Variants in IPO9 observed in about 807,000 individuals in gnomAD.
The protein encoded by IPO9 is importin-9.
Under a neutral mutation model 128.6 loss-of-function variants are expected in IPO9, and 28 were observed. The observed-to-expected ratio is 0.22, with a 90% CI of 0.16 to 0.30. The LOEUF (loss-of-function observed/expected upper bound fraction) is 0.30, where lower values mean the gene tolerates loss of function less well. Ranked by LOEUF, IPO9 falls within the 10% of genes least tolerant of loss-of-function variation. The probability of loss-of-function intolerance (pLI) is 1.00; values close to 1 mark genes in which losing one functional copy is unlikely to be tolerated. For missense variants in IPO9, 935 were observed against 1,293.9 expected (o/e 0.72, Z 4.26); for synonymous variants, 455 against 475.8 (o/e 0.96, Z 0.57).
chr1:201,857,290 G>GTTGGGTGGCTT, intron 11 of IPO9, 96 bp downstream of exon 11: 1 of 803,510 alleles, frequency 1.2e-6, no homozygotes. Context: ...GAGCAGTGTT[G>GTTGGGTGGCTT]TTGGGTGGCT....
rs1389456326 is a variant in IPO9, at chr1:201,876,311, A to C, written c.*257A>C. Reference sequence around the variant, plus strand: ...TAGAACCTTTTTTCTCCCCGACTCTACCCCCACCTCTGTTCCTAGAGCCCT... The same window carrying C: ...TAGAACCTTTTTTCTCCCCGACTCTCCCCCCACCTCTGTTCCTAGAGCCCT... On this transcript the variant is annotated 3_prime_UTR_variant, in exon 24 of 24. Transcript: ENST00000361565. 2 of 590,882 alleles carry C rather than the reference A, an allele frequency of 3.4e-6. No individual in the cohort carries two copies. The highest frequency in any genetic ancestry group is 6.3e-6 in the Non-Finnish European group (2 of 319,244). 36.6% of individuals were successfully genotyped at this position (590,882 alleles called of 1,614,324 possible). A position where few individuals can be genotyped will look rare whatever the true frequency, so the allele number is the denominator to read the frequency against.
chr1:201,858,433 T>C lies in IPO9; in HGVS notation c.1222-14T>C. On this transcript the variant is annotated splice_polypyrimidine_tract_variant and intron_variant, in intron 11 of 23. Transcript: ENST00000361565. ...TGGGCACAAACAGATTTATTAGCTC[T>C]TCTCTCTCTATAGGCTGTGGCCACA... 3 of 1,458,688 alleles carry C rather than the reference T, an allele frequency of 2.1e-6. No individual in the cohort carries two copies. The highest frequency in any genetic ancestry group is 1.9e-6 in the Non-Finnish European group (2 of 1,073,644). The allele number at this position is 1,458,688 out of a possible 1,614,324, so 90.4% of individuals were successfully genotyped here. A position where few individuals can be genotyped will look rare whatever the true frequency, so the allele number is the denominator to read the frequency against.
Position 201,870,771 on chromosome 1 carries a change from A to G in IPO9, c.2322A>G (p.Ala774=). The G allele has an allele frequency of 6.2e-7, 1 of 1,614,220 alleles. No homozygotes were observed. The highest frequency in any genetic ancestry group is 1.7e-5 in the Admixed American group (1 of 60,018). Residue 774 remains alanine, a synonymous_variant, in exon 18 of 24, where the codon GCA becomes GCG. Transcript: ENST00000361565. The surrounding 1 kb of genome is among the most constrained non-coding windows in gnomAD (Gnocchi z 4.9). ...TTGTTTCCACCCTCATCTCCAAGGC[A>G]GGGCGGGAACTCGGGGAGAATCTAG... is the stretch of plus-strand genomic sequence containing the variant. ...GRLVSTLISK[A]GRELGENLDQ...
At chr1:201,842,265 G>A (rs1419356374) in intron 1 of IPO9, among the ~76,000 whole-genome samples, 10 of 152,134 alleles carry the variant, frequency 6.6e-5, no homozygotes, top group Non-Finnish European at 1.5e-4. Context: ...AAGGATATTC[G>A]AAACGATACA....
chr1:201,831,356 A>G (rs1679829757), intron 1 of IPO9, among the ~76,000 whole-genome samples: 1 of 152,166 alleles, frequency 6.6e-6, no homozygotes, highest in Non-Finnish European at 1.5e-5. Context: ...TGATCTAGTA[A>G]TAGAGCATAT....
At chr1:201,865,205 T>C (rs888278458) in intron 14 of IPO9, among the ~76,000 whole-genome samples, 1 of 150,728 alleles carries the variant, frequency 6.6e-6, no homozygotes, top group Admixed American at 6.6e-5. Flanking sequence ...TTTTCTTTTT[T>C]TTTTTTTTTT....
chr1:201,856,973 C>T (rs1680340315), intron 10 of IPO9, 123 bp from the exon 11 acceptor site: 4 of 716,506 alleles, frequency 5.6e-6, no homozygotes, highest in Admixed American at 3.8e-5. Context: ...AGTTGTGAGC[C>T]ATTGCATCCA....
rs544475552 is a variant in IPO9 at position 201,869,903 on chromosome 1, T to A, written c.2133+185T>A. On this transcript the variant is annotated intron_variant, in intron 17 of 23. Transcript: ENST00000361565. The stretch of plus-strand genomic sequence containing the variant: ...AGCATTTCTGGTGCTTTGGAGCATG[T>A]TACAGTTTTTAAAAATATGGATACC... Among the ~76,000 whole-genome samples, 8 of 152,344 alleles carry A rather than the reference T, an allele frequency of 5.3e-5. 1 individual carries two copies. The East Asian group carries it at 7.7e-4, about 15-fold the overall frequency.
chr1:201,871,344 C>G lies in IPO9; in HGVS notation c.2576+17C>G, dbSNP rs755269388. 5.6e-6 allele frequency: 6 copies of G among 1,065,258 alleles called. No homozygotes were observed. Among genetic ancestry groups the G allele is most frequent in the Admixed American group, 2.6e-5 (1 of 38,766 alleles). The allele number at this position is 1,065,258 out of a possible 1,614,324, so 66.0% of individuals were successfully genotyped here. A position where few individuals can be genotyped will look rare whatever the true frequency, so the allele number is the denominator to read the frequency against. On this transcript the variant is annotated intron_variant, in intron 19 of 23. Coordinates refer to ENST00000361565, the MANE Select transcript of IPO9 (RefSeq NM_018085.5). Reference sequence around the variant, plus strand: ...CAAAGTCAGGTAGAACCTCATCTTTCTTTTCTGGGCATTCTGCCACCACTC... The same window carrying G: ...CAAAGTCAGGTAGAACCTCATCTTTGTTTTCTGGGCATTCTGCCACCACTC...
rs560946502 is a variant in IPO9 at position 201,831,796 on chromosome 1, A to G, written c.163+2424A>G. ...AAACTGGCAGGACATGGTTCCTCCT[A>G]TTAGAATGCCCTACAGAGCAAGATG... On this transcript the variant is annotated intron_variant, in intron 1 of 23. Coordinates refer to ENST00000361565, the MANE Select transcript of IPO9 (RefSeq NM_018085.5). Among the ~76,000 whole-genome samples the G allele has an allele frequency of 2.6e-5, 4 of 152,342 alleles. No individual in the cohort carries two copies. The South Asian group carries it at 6.2e-4, about 24-fold the overall frequency.
In IPO9 at chr1:201,829,192, G is replaced by A. The variant is rs985123388; in HGVS notation, c.-18G>A. 3.3e-6 allele frequency: 5 copies of A among 1,502,840 alleles called. No individual in the cohort carries two copies. Among genetic ancestry groups the A allele is most frequent in the Non-Finnish European group, 4.4e-6 (5 of 1,128,838 alleles). The allele number at this position is 1,502,840 out of a possible 1,614,324, so 93.1% of individuals were successfully genotyped here. On this transcript the variant is annotated 5_prime_UTR_variant, in exon 1 of 24. Coordinates refer to ENST00000361565, the MANE Select transcript of IPO9 (RefSeq NM_018085.5). ...GGCGGGTCCCGGCCGCGGGGCTGGCGGGCTGAGGGGAGAAAAGATGGCGGC... is the reference window on the plus strand; with the variant it reads ...GGCGGGTCCCGGCCGCGGGGCTGGCAGGCTGAGGGGAGAAAAGATGGCGGC...
rs958225096 is a variant in IPO9 at position 201,880,246 on chromosome 1, CAG to C, written c.*4193_*4194del. ...ACTGTTAATGTGTCCAAAAAAACTC[CAG>C]TGTGGTTCTAGGATGAGATAATAAA... On this transcript the variant is annotated 3_prime_UTR_variant, in exon 24 of 24. Transcript: ENST00000361565. The C allele has an allele frequency of 6.6e-5, 10 of 152,022 alleles. No individual in the cohort carries two copies. Among genetic ancestry groups the C allele is most frequent in the Non-Finnish European group, 1.5e-4 (10 of 67,994 alleles). The allele number at this position is 152,022 out of a possible 1,614,324, so 9.4% of individuals were successfully genotyped here.
chr1:201,846,792 C>G (rs1680131476), intron 1 of IPO9, among the ~76,000 whole-genome samples: 1 of 152,216 alleles, frequency 6.6e-6, no homozygotes, highest in Non-Finnish European at 1.5e-5. Context: ...GCCTCTGCCT[C>G]CCGAGTAGCT....
At chr1:201,837,363 G>A (rs1679958872) in intron 1 of IPO9, among the ~76,000 whole-genome samples, 1 of 152,196 alleles carries the variant, frequency 6.6e-6, no homozygotes, top group Non-Finnish European at 1.5e-5. Context: ...TTCTCTGGTT[G>A]ATGAGAAAGG....
At chr1:201,837,920 A>G (rs1679967347) in intron 1 of IPO9, among the ~76,000 whole-genome samples, 1 of 152,034 alleles carries the variant, frequency 6.6e-6, no homozygotes, top group African/African-American at 2.4e-5. Flanking sequence ...AAACTACAAA[A>G]TTAGCTGGGC....
At chr1:201,866,170 C>G (rs1318797544) in intron 14 of IPO9, among the ~76,000 whole-genome samples, 3 of 152,168 alleles carry the variant, frequency 2.0e-5, no homozygotes, top group African/African-American at 4.8e-5. Context: ...TCCTATACTG[C>G]CTGACATAAT....
Position 201,870,477 on chromosome 1 carries a change from C to A in IPO9, c.2134-106C>A. 7.7e-7 allele frequency: 1 copy of A among 1,295,422 alleles called. No individual in the cohort carries two copies. The highest frequency in any genetic ancestry group is 1.0e-6 in the Non-Finnish European group (1 of 953,308). 80.2% of individuals were successfully genotyped at this position (1,295,422 alleles called of 1,614,324 possible). On this transcript the variant is annotated intron_variant, in intron 17 of 23. Transcript: ENST00000361565. The surrounding 1 kb of genome is among the most constrained non-coding windows in gnomAD (Gnocchi z 4.9). ...CACCACAAACATTATAGACTCACCG[C>A]TTTTATGAGGCATAGGCCTCTGGGA...
chr1:201,843,593 G>A (rs1680077134), intron 1 of IPO9, among the ~76,000 whole-genome samples: 1 of 152,226 alleles, frequency 6.6e-6, no homozygotes, highest in Non-Finnish European at 1.5e-5. Flanking sequence ...CACTTTGGGA[G>A]GCTGAGGCAG....
intron 4 of IPO9, chr1:201,850,898 G>A (rs1407123110): frequency 5.9e-5 from 9 of 152,108 alleles, no homozygotes; most frequent in Non-Finnish European, 1.3e-4. Flanking sequence ...TTGACTCGTG[G>A]GGATTGATAT....
Sources: gnomAD v4.1 joint callset for allele counts (sites outside exome capture counted in the v4.1 genomes callset) on GRCh38, gnomAD v4.1.1 for gene constraint, Gnocchi (gnomAD v3.1) non-coding constraint, MANE v1.5 for transcripts, NCBI Gene and HGNC (gene_info 2026-07-23, HGNC 2026-07-21) for gene names.